Variants in STRA8 observed in about 807,000 individuals in gnomAD.
STRA8 encodes stimulated by retinoic acid 8.
A neutral mutation model predicts 37.1 loss-of-function variants in STRA8; 18 were observed. The observed-to-expected ratio is 0.48, with a 90% CI of 0.34 to 0.72. The LOEUF is 0.72. STRA8 is among the 30% of genes least tolerant of loss of function. STRA8 has a pLI of 0.01. For synonymous variants in STRA8, 168 were observed against 162.9 expected, an observed-to-expected ratio of 1.03 and a Z score of -0.24; for missense variants, 357 against 410.4, an observed-to-expected ratio of 0.87 and a Z score of 1.13.
chr7:135,257,706 C>T (rs1298086176), intron 8 of STRA8, among the ~76,000 whole-genome samples: 1 of 152,194 alleles, frequency 6.6e-6, no homozygotes, highest in African/African-American at 2.4e-5. Context: ...GGATTACAGG[C>T]ATTGAGCCAT....
upstream of STRA8, among the ~76,000 whole-genome samples, chr7:135,233,767 C>T (rs1208174540): frequency 6.6e-6 from 1 of 152,194 alleles, no homozygotes; most frequent in African/African-American, 2.4e-5. Context: ...GGGACAGGGC[C>T]GCGATTGGTC....
At chr7:135,251,137 A>AGGTATGTGCCAC (rs1235622335) in intron 6 of STRA8, among the ~76,000 whole-genome samples, 13 of 152,240 alleles carry the variant, frequency 8.5e-5, no homozygotes, top group African/African-American at 3.1e-4. Context: ...GATAATGTTC[A>AGGTATGTGCCAC]ATTATGTGCC....
intron 1 of STRA8, among the ~76,000 whole-genome samples, chr7:135,238,186 C>A (rs1438823547): frequency 6.6e-6 from 1 of 152,178 alleles, no homozygotes; most frequent in African/African-American, 2.4e-5. Flanking sequence ...GGTGTGCCCC[C>A]TCCCTGAGCC....
At position 135,253,409 on chromosome 7, in the gene STRA8, C is replaced by T. The variant is rs144100722; in HGVS notation, c.953+1540C>T. 7.9e-5 allele frequency among the ~76,000 whole-genome samples: 12 copies of T among 152,200 alleles called. No homozygotes were observed. The East Asian group carries it at 1.6e-3, about 20-fold the overall frequency. ...GGTCTCTAGCACCCAGGGCAGCTTG[C>T]GGGCAGGTTCTCCCAGCTGACCTGG... On this transcript the variant is annotated intron_variant, in intron 7 of 8. Coordinates refer to ENST00000662584, the MANE Select transcript of STRA8 (RefSeq NM_001394401.1).
rs753234386 is a variant in STRA8 at position 135,240,658 on chromosome 7, C to G, written c.134C>G (p.Ala45Gly). 5.6e-6 allele frequency: 9 copies of G among 1,613,988 alleles called. No individual in the cohort carries two copies. In the Admixed American group the frequency reaches 1.5e-4, roughly 27 times the overall value. The change falls in exon 2 of 9, where the codon GCG (alanine) becomes GGG (glycine). Residue 45 changes from alanine to glycine, a missense_variant. By Grantham distance (60) the Ala-to-Gly change is moderately conservative (BLOSUM62 0). Transcript: ENST00000662584. ...SQARHRATLA[A>G]LFNNLRKTVY... is the part of the protein sequence containing the mutation. ...GCCCGCCACCGAGCCACCCTGGCAGCGCTCTTCAACAACCTCAGGAAGACA... is the reference window on the plus strand; with the variant it reads ...GCCCGCCACCGAGCCACCCTGGCAGGGCTCTTCAACAACCTCAGGAAGACA...
At chr7:135,250,170 G>A (rs1310459040) in intron 6 of STRA8, among the ~76,000 whole-genome samples, 2 of 152,230 alleles carry the variant, frequency 1.3e-5, no homozygotes, top group Non-Finnish European at 2.9e-5. Flanking sequence ...CTCCATTTCA[G>A]TTCAGACATG....
At position 135,246,605 on chromosome 7, in the gene STRA8, A is replaced by T; in HGVS notation, c.782A>T (p.Glu261Val). ...CACCGCGGCCCTGCGACCCTGGCGG[A>T]GGCCTGCCGAGAGCCGGCCTGTGCC... ...QKHRGPATLAEACREPACAEG... is the reference protein window; with the variant it reads ...QKHRGPATLAVACREPACAEG... The change falls in exon 6 of 9, where the codon GAG becomes GTG. Residue 261 changes from glutamate to valine, a missense_variant. Glu to Val is a moderately radical substitution (Grantham distance 121). Transcript: ENST00000662584. The surrounding 1 kb of genome is among the most constrained non-coding windows in gnomAD (Gnocchi z 5.4). The T allele has an allele frequency of 7.2e-6, 11 of 1,534,932 alleles. No homozygotes were observed. Among genetic ancestry groups the T allele is most frequent in the Non-Finnish European group, 7.9e-6 (9 of 1,144,580 alleles).
chr7:135,251,929 T>C (rs1458225447), intron 7 of STRA8, 60 bp downstream of exon 7: 3 of 1,514,238 alleles, frequency 2.0e-6, no homozygotes, highest in South Asian at 2.2e-5. Context: ...AGATTGTGTG[T>C]GCGCAGGTGT....
chr7:135,251,720 C>T, intron 6 of STRA8, 76 bp from the exon 7 acceptor site: 4 of 1,458,600 alleles, frequency 2.7e-6, no homozygotes, highest in Non-Finnish European at 2.9e-6. Context: ...TTCCACTCAT[C>T]TCTCCCCAGC....
intron 2 of STRA8, among the ~76,000 whole-genome samples, chr7:135,241,284 A>G (rs1415829722): frequency 6.6e-6 from 1 of 152,162 alleles, no homozygotes; most frequent in Non-Finnish European, 1.5e-5. Flanking sequence ...AACACATAGG[A>G]GTGCTCAGGG....
intron 2 of STRA8, among the ~76,000 whole-genome samples, chr7:135,240,993 C>T (rs1455709921): frequency 6.6e-6 from 1 of 152,174 alleles, no homozygotes; most frequent in Non-Finnish European, 1.5e-5. Flanking sequence ...TGTGTTCTCA[C>T]ATGGGGGAAA....
At chr7:135,250,110 G>A (rs1832616712) in intron 6 of STRA8, among the ~76,000 whole-genome samples, 1 of 152,242 alleles carries the variant, frequency 6.6e-6, no homozygotes, top group East Asian at 1.9e-4. Context: ...CAGAACTGTT[G>A]TGTTAGAGGC....
rs1585481823 is a variant in STRA8 at position 135,255,364 on chromosome 7, C to T, written c.1065+139C>T. The T allele has an allele frequency of 9.5e-6, 6 of 629,170 alleles. No individual in the cohort carries two copies. The East Asian group carries it at 1.6e-4, about 17-fold the overall frequency. 39.0% of individuals were successfully genotyped at this position (629,170 alleles called of 1,614,324 possible). ...TGGGCAGGGACACTCTCCATTCTCT[C>T]TGGCTTGCTCCATGAATGGTCACCT... On this transcript the variant is annotated intron_variant, in intron 8 of 8. Transcript: ENST00000662584.
intron 1 of STRA8, among the ~76,000 whole-genome samples, chr7:135,235,157 C>G (rs1832352150): frequency 6.6e-6 from 1 of 152,194 alleles, no homozygotes; most frequent in Non-Finnish European, 1.5e-5. Context: ...CAGGCAAGAG[C>G]CACTGTGCCT....
In STRA8 at chr7:135,238,312, C is replaced by T. The variant is rs543042880; in HGVS notation, c.-6-2207C>T. On this transcript the variant is annotated intron_variant, in intron 1 of 8. Coordinates refer to ENST00000662584, the MANE Select transcript of STRA8 (RefSeq NM_001394401.1). ...GGCCAGCATGCTCTGGGGCTGTCCC[C>T]GCCCCTAGGGGCGAGCAGCCCTGGC... 1.1e-3 allele frequency among the ~76,000 whole-genome samples: 167 copies of T among 152,308 alleles called. 1 individual carries two copies. The highest frequency in any genetic ancestry group is 3.8e-3 in the African/African-American group (158 of 41,570).
chr7:135,250,825 A>G lies in STRA8; in HGVS notation c.880-971A>G, dbSNP rs139278705. ...ATTCTTTATCTGAAATTCAAAATGT[A>G]ACTAGGCATCCCGTATTTGTATTTG... On this transcript the variant is annotated intron_variant, in intron 6 of 8. Transcript: ENST00000662584. Among the ~76,000 whole-genome samples the G allele has an allele frequency of 2.0e-4, 30 of 152,378 alleles. 1 individual carries two copies. Among genetic ancestry groups the G allele is most frequent in the African/African-American group, 7.0e-4 (29 of 41,596 alleles).
intron 6 of STRA8, among the ~76,000 whole-genome samples, chr7:135,248,138 C>T (rs1339898833): frequency 6.6e-6 from 1 of 152,158 alleles, no homozygotes; most frequent in Admixed American, 6.5e-5. Context: ...GAGTTACAGC[C>T]CTGGAATGCC....
At chr7:135,244,614 C>G (rs1285381012) in intron 4 of STRA8, among the ~76,000 whole-genome samples, 1 of 152,112 alleles carries the variant, frequency 6.6e-6, no homozygotes, top group African/African-American at 2.4e-5. Flanking sequence ...ATTTCAATTT[C>G]CAACTGTTCA....
In STRA8 at chr7:135,246,393, G is replaced by C. The variant is rs748928956; in HGVS notation, c.594-24G>C. 27 of 1,586,188 alleles carry C rather than the reference G, an allele frequency of 1.7e-5. No homozygotes were observed. Among genetic ancestry groups the C allele is most frequent in the Non-Finnish European group, 2.3e-5 (27 of 1,164,752 alleles). On this transcript the variant is annotated intron_variant, in intron 5 of 8. Coordinates refer to ENST00000662584, the MANE Select transcript of STRA8 (RefSeq NM_001394401.1). This position sits in a 1 kb window ranked among gnomAD's most constrained non-coding sequence, Gnocchi z 5.4. ...CTTCGAGAGGGAGCTTTAGGGGTGC[G>C]AGACGGCGCCGCTTCTGTTCCAGGT...
Sources: allele counts gnomAD v4.1 joint callset (sites outside exome capture counted in the v4.1 genomes callset), GRCh38; gene constraint gnomAD v4.1.1; non-coding constraint Gnocchi (gnomAD v3.1); transcripts MANE v1.5; gene names NCBI Gene and HGNC (gene_info 2026-07-23, HGNC 2026-07-21).